ENAH: variants seen among roughly 807,000 people sequenced by gnomAD.
The protein encoded by ENAH is ENAH actin regulator.
Under a neutral mutation model 78.7 loss-of-function variants are expected in ENAH, and 23 were observed. The observed-to-expected ratio is 0.29, with a 90% CI of 0.21 to 0.41. The LOEUF (loss-of-function observed/expected upper bound fraction) is 0.41. Ranked by LOEUF, ENAH falls within the 10% of genes least tolerant of loss-of-function variation. ENAH has a pLI of 1.00. For missense variants in ENAH, 544 were observed against 691.0 expected, an observed-to-expected ratio of 0.79 and a Z score of 2.39; for synonymous variants, 226 against 241.0, an observed-to-expected ratio of 0.94 and a Z score of 0.58.
At chr1:225,501,148 C>A in intron 11 of ENAH, 78 bp from the exon 12 acceptor site, 1 of 1,025,108 alleles carries the variant, frequency 9.8e-7, no homozygotes, top group Non-Finnish European at 1.5e-6. Context: ...GCAAATTTAC[C>A]AACCCAACAC....
At chr1:225,608,405 C>CTT (rs972775624) in intron 1 of ENAH, among the ~76,000 whole-genome samples, 5 of 140,766 alleles carry the variant, frequency 3.6e-5, no homozygotes, top group South Asian at 2.3e-4. Flanking sequence ...GCACAACAGA[C>CTT]TTTTTTTTTT....
At position 225,496,489 on chromosome 1, in the gene ENAH, C is replaced by T. The variant is rs1395639831; in HGVS notation, c.*1286G>A. On this transcript the variant is annotated 3_prime_UTR_variant, in exon 14 of 14. Coordinates refer to ENST00000366843, the MANE Select transcript of ENAH (RefSeq NM_018212.6). ...ACATAACAAAATTCAAAAGCAGCTT[C>T]ATTCAGGAACACGTATCTAAACACC... 2 of 152,462 alleles carry T rather than the reference C, an allele frequency of 1.3e-5. No individual in the cohort carries two copies. The allele number at this position is 152,462 out of a possible 1,614,324, so 9.4% of individuals were successfully genotyped here.
intron 1 of ENAH, among the ~76,000 whole-genome samples, chr1:225,616,559 G>C (rs529629993): frequency 1.3e-5 from 2 of 151,832 alleles, no homozygotes; most frequent in Admixed American, 1.3e-4. Context: ...ACAAGTACAT[G>C]TTATATATAG....
At chr1:225,621,278 T>TTTA (rs1558921944) in intron 1 of ENAH, among the ~76,000 whole-genome samples, 33 of 151,830 alleles carry the variant, frequency 2.2e-4, no homozygotes, top group African/African-American at 7.2e-4. Flanking sequence ...TGGGAATTAC[T>TTTA]TCTTTAAATC....
At chr1:225,512,628 G>A (rs2151117069) in intron 9 of ENAH, 29 bp downstream of exon 9, 1 of 1,590,240 alleles carries the variant, frequency 6.3e-7, no homozygotes, top group Non-Finnish European at 8.6e-7. Context: ...CATATTTTAA[G>A]GTATGGTAGA....
chr1:225,566,728 T>C (rs1023065637), intron 2 of ENAH, among the ~76,000 whole-genome samples: 14 of 152,182 alleles, frequency 9.2e-5, no homozygotes, highest in African/African-American at 3.4e-4. Context: ...TTCTAAGAAA[T>C]CCAGAGCGAG....
chr1:225,524,526 A>G, intron 4 of ENAH: 1 of 839,148 alleles, frequency 1.2e-6, no homozygotes, highest in East Asian at 1.2e-4. Flanking sequence ...AAACAAATAA[A>G]AAATGGATAA....
chr1:225,625,603 A>G (rs566677053), intron 1 of ENAH, among the ~76,000 whole-genome samples: 4 of 151,812 alleles, frequency 2.6e-5, no homozygotes, highest in Non-Finnish European at 4.4e-5. Context: ...GCTCACCCCA[A>G]CCTCCACCTC....
chr1:225,572,925 T>C (rs1575576397), intron 1 of ENAH, among the ~76,000 whole-genome samples: 1 of 152,208 alleles, frequency 6.6e-6, no homozygotes, highest in African/African-American at 2.4e-5. Flanking sequence ...AGGCTAGAGA[T>C]AGCTGGTTTA....
intron 3 of ENAH, among the ~76,000 whole-genome samples, chr1:225,541,922 C>A (rs1022033099): frequency 6.6e-6 from 1 of 152,112 alleles, no homozygotes; most frequent in Non-Finnish European, 1.5e-5. Context: ...ACTTTGATTG[C>A]CCAGACTGAA....
chr1:225,559,414 T>A (rs527493474), intron 2 of ENAH, among the ~76,000 whole-genome samples: 1 of 152,300 alleles, frequency 6.6e-6, no homozygotes, highest in East Asian at 1.9e-4. Context: ...GCTAGGGAGG[T>A]AATTGTATTG....
chr1:225,556,691 T>C (rs1277141825), intron 2 of ENAH, among the ~76,000 whole-genome samples: 1 of 152,250 alleles, frequency 6.6e-6, no homozygotes, highest in African/African-American at 2.4e-5. Context: ...TTTGATTCTG[T>C]TCAAATTAGC....
chr1:225,528,570 C>T (rs1231672039), intron 4 of ENAH, among the ~76,000 whole-genome samples: 5 of 152,046 alleles, frequency 3.3e-5, no homozygotes, highest in Non-Finnish European at 7.4e-5. Context: ...CTGTAATCTT[C>T]CCCAAAATTC....
At chr1:225,547,005 C>T (rs978687184) in intron 3 of ENAH, among the ~76,000 whole-genome samples, 1 of 152,078 alleles carries the variant, frequency 6.6e-6, no homozygotes, top group Non-Finnish European at 1.5e-5. Flanking sequence ...AGGTGTCACA[C>T]ACATTATATT....
intron 6 of ENAH, among the ~76,000 whole-genome samples, chr1:225,515,658 CAGTA>C (rs1202732598): frequency 6.6e-6 from 1 of 152,016 alleles, no homozygotes; most frequent in Non-Finnish European, 1.5e-5. Context: ...AATCCTGAAA[CAGTA>C]GGTGCTCTTT....
At chr1:225,513,364 AG>A (rs1297813336) in intron 7 of ENAH, among the ~76,000 whole-genome samples, 11 of 152,332 alleles carry the variant, frequency 7.2e-5, no homozygotes, top group African/African-American at 2.6e-4. Flanking sequence ...GAAGGATAAC[AG>A]GCAAAATAAT....
In ENAH at chr1:225,636,640, T is replaced by C. The variant is rs138536969; in HGVS notation, c.5+16046A>G. Among the ~76,000 whole-genome samples, 333 of 152,256 alleles carry C rather than the reference T, an allele frequency of 2.2e-3. 1 individual carries two copies. Among genetic ancestry groups the C allele is most frequent in the African/African-American group, 7.6e-3 (315 of 41,564 alleles). On this transcript the variant is annotated intron_variant, in intron 1 of 13. Coordinates refer to ENST00000366843, the MANE Select transcript of ENAH (RefSeq NM_018212.6). ...GGGAGGATCGTTAGAAGCCAGGAAT[T>C]TGAGACCAACCTGGGCAACACAGCA...
At chr1:225,586,933 CAA>C (rs571548591) in intron 1 of ENAH, among the ~76,000 whole-genome samples, 4 of 32,820 alleles carry the variant, frequency 1.2e-4, no homozygotes, top group Non-Finnish European at 2.5e-4. Flanking sequence ...CTGACCATCT[CAA>C]AAAAAAAAGA....
At position 225,511,837 on chromosome 1, in the gene ENAH, G is replaced by C. The variant is rs746580410; in HGVS notation, c.1445C>G (p.Ser482Cys). Reference protein sequence around the residue: ...DKGEDSEPVTSKASSTSTPEP... With the variant: ...DKGEDSEPVTCKASSTSTPEP... ...AGGTGTACTTGTTGAAGAGGCCTTA[G>C]AAGTTACAGGCTCTGAATCTTCCTA... The change falls in exon 10 of 14, where the codon TCT (serine) becomes TGT (cysteine). Residue 482 changes from serine to cysteine, a missense_variant. Transcript: ENST00000366843. 2.5e-6 allele frequency: 4 copies of C among 1,605,432 alleles called. No homozygotes were observed. The highest frequency in any genetic ancestry group is 3.4e-6 in the Non-Finnish European group (4 of 1,173,730).
Sources: gnomAD v4.1 joint callset for allele counts (sites outside exome capture counted in the v4.1 genomes callset) on GRCh38, gnomAD v4.1.1 for gene constraint, MANE v1.5 for transcripts, NCBI Gene and HGNC (gene_info 2026-07-23, HGNC 2026-07-21) for gene names.